Variants in IRAK3 observed in about 807,000 individuals in gnomAD.
The protein encoded by IRAK3 is interleukin-1 receptor-associated kinase 3.
IRAK3 carries 57 observed loss-of-function variants against 56.6 expected under a neutral mutation model. The ratio of observed to expected loss-of-function variants is 1.01; its 90% CI spans 0.81 to 1.26. The LOEUF (loss-of-function observed/expected upper bound fraction) is 1.26, where lower values mean the gene tolerates loss of function less well. Ranked by LOEUF, IRAK3 falls within the 50% of genes most tolerant of loss-of-function variation. IRAK3 has a pLI of 0.00. For synonymous variants in IRAK3, 258 were observed against 255.7 expected, an observed-to-expected ratio of 1.01 and a Z score of -0.09; for missense variants, 703 against 719.0, an observed-to-expected ratio of 0.98 and a Z score of 0.25.
At position 66,248,392 on chromosome 12, in the gene IRAK3, C is replaced by A; in HGVS notation, c.*221C>A. 2.1e-6 allele frequency: 1 copy of A among 471,086 alleles called. No individual in the cohort carries two copies. The allele number at this position is 471,086 out of a possible 1,614,324, so 29.2% of individuals were successfully genotyped here. On this transcript the variant is annotated 3_prime_UTR_variant, in exon 12 of 12. Coordinates refer to ENST00000261233, the MANE Select transcript of IRAK3 (RefSeq NM_007199.3). ...TTTATCAGGATAATTGTCTCATGACCAAATCCACGCTCAATTAGAGCCATT... is the reference window on the plus strand; with the variant it reads ...TTTATCAGGATAATTGTCTCATGACAAAATCCACGCTCAATTAGAGCCATT...
chr12:66,219,268 C>T (rs1436319141), intron 6 of IRAK3, among the ~76,000 whole-genome samples: 2 of 152,208 alleles, frequency 1.3e-5, no homozygotes, highest in Non-Finnish European at 2.9e-5. Flanking sequence ...AATATACTCC[C>T]ATAGTTCCCA....
intron 11 of IRAK3, among the ~76,000 whole-genome samples, chr12:66,245,752 G>A (rs1389907314): frequency 3.3e-5 from 5 of 151,730 alleles, no homozygotes; most frequent in Non-Finnish European, 4.4e-5. Context: ...GGCTGGTCTC[G>A]AACTCCTGAC....
In IRAK3 at chr12:66,248,248, G is replaced by C; in HGVS notation, c.*77G>C. On this transcript the variant is annotated 3_prime_UTR_variant, in exon 12 of 12. Coordinates refer to ENST00000261233, the MANE Select transcript of IRAK3 (RefSeq NM_007199.3). ...TAGGTATGACCTTGGGAAGACATTGGCTCCATAAGCAATGCCAAGAGAATG... is the reference window on the plus strand; with the variant it reads ...TAGGTATGACCTTGGGAAGACATTGCCTCCATAAGCAATGCCAAGAGAATG... The C allele has an allele frequency of 1.0e-6, 1 of 986,388 alleles. No homozygotes were observed. The highest frequency in any genetic ancestry group is 1.6e-6 in the Non-Finnish European group (1 of 625,918). 61.1% of individuals were successfully genotyped at this position (986,388 alleles called of 1,614,324 possible). A position where few individuals can be genotyped will look rare whatever the true frequency, so the allele number is the denominator to read the frequency against.
chr12:66,190,898 C>T (rs1468828179), intron 1 of IRAK3, among the ~76,000 whole-genome samples: 2 of 152,160 alleles, frequency 1.3e-5, no homozygotes, highest in Non-Finnish European at 2.9e-5. Flanking sequence ...TTCTTTCTGG[C>T]CACATCTAAC....
At chr12:66,215,789 C>CACAG (rs1448844969) in intron 5 of IRAK3, among the ~76,000 whole-genome samples, 1 of 27,764 alleles carries the variant, frequency 3.6e-5, no homozygotes, top group Non-Finnish European at 8.1e-5. Context: ...CCAACATGCA[C>CACAG]ACACACACAC....
In IRAK3 at chr12:66,245,093, C is replaced by T. The variant is rs751896178; in HGVS notation, c.1150-5C>T. The T allele has an allele frequency of 1.9e-6, 3 of 1,614,072 alleles. No individual in the cohort carries two copies. In the Admixed American group the frequency reaches 5.0e-5, roughly 27 times the overall value. Reference sequence around the variant, plus strand: ...TGTGATAAAATTGTCTCCCTCTCTTCCAAGCGGGATCTCCTTAGAGAATTG... The same window carrying T: ...TGTGATAAAATTGTCTCCCTCTCTTTCAAGCGGGATCTCCTTAGAGAATTG... On this transcript the variant is annotated splice_region_variant and splice_polypyrimidine_tract_variant and intron_variant, in intron 10 of 11. Transcript: ENST00000261233.
chr12:66,247,181 G>T (rs957486205), intron 11 of IRAK3, among the ~76,000 whole-genome samples: 1 of 152,076 alleles, frequency 6.6e-6, no homozygotes, highest in African/African-American at 2.4e-5. Context: ...AAGGCAGGAG[G>T]ATTGCCTGAA....
In IRAK3 at chr12:66,254,204, G is replaced by T. The variant is rs886724032; in HGVS notation, c.*6033G>T. ...TAGGAATTTATCCTAATGAATAAAA[G>T]TTGTCCAAGTCTTCAAACATGAGCC... is the stretch of plus-strand genomic sequence containing the variant. On this transcript the variant is annotated 3_prime_UTR_variant, in exon 12 of 12. Coordinates refer to ENST00000261233, the MANE Select transcript of IRAK3 (RefSeq NM_007199.3). The T allele has an allele frequency of 6.6e-6, 1 of 152,108 alleles. No homozygotes were observed. Among genetic ancestry groups the T allele is most frequent in the South Asian group, 2.1e-4 (1 of 4,838 alleles). 9.4% of individuals were successfully genotyped at this position (152,108 alleles called of 1,614,324 possible).
At chr12:66,208,167 A>G (rs2052574695) in intron 2 of IRAK3, among the ~76,000 whole-genome samples, 1 of 152,190 alleles carries the variant, frequency 6.6e-6, no homozygotes. Flanking sequence ...TAGAAAATGA[A>G]AGTTTTCTAG....
At chr12:66,239,491 A>C (rs2052942421) in intron 8 of IRAK3, among the ~76,000 whole-genome samples, 1 of 152,164 alleles carries the variant, frequency 6.6e-6, no homozygotes, top group South Asian at 2.1e-4. Context: ...CTTTATCCCC[A>C]GACGGGAAGG....
intron 1 of IRAK3, among the ~76,000 whole-genome samples, chr12:66,194,709 ATC>A (rs2052433499): frequency 2.0e-5 from 3 of 151,704 alleles, no homozygotes; most frequent in Admixed American, 1.3e-4. Flanking sequence ...GGTGCCTGTA[ATC>A]TCAGCTACTT....
intron 2 of IRAK3, among the ~76,000 whole-genome samples, chr12:66,206,290 A>G (rs2052557546): frequency 6.6e-6 from 1 of 152,212 alleles, no homozygotes; most frequent in Non-Finnish European, 1.5e-5. Flanking sequence ...AAGTGGCAAG[A>G]CCAGACATCC....
In IRAK3 at chr12:66,248,985, T is replaced by C. The variant is rs1478814722; in HGVS notation, c.*814T>C. On this transcript the variant is annotated 3_prime_UTR_variant, in exon 12 of 12. Coordinates refer to ENST00000261233, the MANE Select transcript of IRAK3 (RefSeq NM_007199.3). Reference sequence around the variant, plus strand: ...TCTGGGCCTTCATTCCTGCTGTTTCTTGGATCTCCCTCTTTTGAAATCCTA... The same window carrying C: ...TCTGGGCCTTCATTCCTGCTGTTTCCTGGATCTCCCTCTTTTGAAATCCTA... 1.3e-5 allele frequency: 2 copies of C among 152,242 alleles called. No homozygotes were observed. The highest frequency in any genetic ancestry group is 2.4e-5 in the African/African-American group (1 of 41,462). The allele number at this position is 152,242 out of a possible 1,614,324, so 9.4% of individuals were successfully genotyped here. A position where few individuals can be genotyped will look rare whatever the true frequency, so the allele number is the denominator to read the frequency against.
intron 1 of IRAK3, among the ~76,000 whole-genome samples, chr12:66,195,570 G>A (rs1318634402): frequency 6.6e-6 from 1 of 152,108 alleles, no homozygotes; most frequent in Non-Finnish European, 1.5e-5. Context: ...AACACGCAAG[G>A]AACGTTCTTC....
intron 7 of IRAK3, among the ~76,000 whole-genome samples, chr12:66,227,394 C>G (rs1015820592): frequency 1.3e-5 from 2 of 151,980 alleles, no homozygotes; most frequent in Admixed American, 6.6e-5. Context: ...AGTTCAGGAC[C>G]AGCCTGAACA....
chr12:66,191,619 A>G (rs1419540965), intron 1 of IRAK3, among the ~76,000 whole-genome samples: 2 of 152,198 alleles, frequency 1.3e-5, no homozygotes, highest in Non-Finnish European at 2.9e-5. Context: ...GGTGCTGCAC[A>G]AGTTCTTGGC....
intron 1 of IRAK3, among the ~76,000 whole-genome samples, chr12:66,195,645 C>G (rs1186133156): frequency 6.6e-6 from 1 of 152,122 alleles, no homozygotes; most frequent in East Asian, 1.9e-4. Context: ...ATTACCTACT[C>G]TGACCACTCT....
rs2053129922 is a variant in IRAK3 at position 66,254,132 on chromosome 12, A to G, written c.*5961A>G. On this transcript the variant is annotated 3_prime_UTR_variant, in exon 12 of 12. Coordinates refer to ENST00000261233, the MANE Select transcript of IRAK3 (RefSeq NM_007199.3). The stretch of plus-strand genomic sequence containing the variant: ...CCTTTCTAGAAGGCAATTTGGCAAC[A>G]TGTATGAAAACCTAAATGTTGATAC... 1 of 152,096 alleles carries G rather than the reference A, an allele frequency of 6.6e-6. No homozygotes were observed. The highest frequency in any genetic ancestry group is 1.5e-5 in the Non-Finnish European group (1 of 68,022). 9.4% of individuals were successfully genotyped at this position (152,096 alleles called of 1,614,324 possible). A position where few individuals can be genotyped will look rare whatever the true frequency, so the allele number is the denominator to read the frequency against.
In IRAK3 at chr12:66,217,224, A is replaced by C; in HGVS notation, c.642A>C (p.Glu214Asp). ...KHWKRFLSEL[E>D]VLLLFHHPNI... ...GGAAGAGGTTTTTATCTGAGCTTGA[A>C]GTTTTACTACTGTGAGTATGTTTTC... Residue 214 changes from glutamate to aspartate, a missense_variant, in exon 6 of 12, where the codon GAA becomes GAC. Coordinates refer to ENST00000261233, the MANE Select transcript of IRAK3 (RefSeq NM_007199.3). 6.2e-7 allele frequency: 1 copy of C among 1,608,896 alleles called. No individual in the cohort carries two copies. Among genetic ancestry groups the C allele is most frequent in the East Asian group, 2.2e-5 (1 of 44,786 alleles).
Sources: allele counts gnomAD v4.1 joint callset (sites outside exome capture counted in the v4.1 genomes callset), GRCh38; gene constraint gnomAD v4.1.1; transcripts MANE v1.5; gene names NCBI Gene and HGNC (gene_info 2026-07-23, HGNC 2026-07-21).